DTNB: variants seen among roughly 807,000 people sequenced by gnomAD.
DTNB encodes DTN-B.
DTNB carries 63 observed loss-of-function variants against 90.7 expected under a neutral mutation model. That is an observed-to-expected ratio of 0.69 (90% confidence interval 0.57 to 0.86). The LOEUF (loss-of-function observed/expected upper bound fraction) is 0.86, where lower values mean the gene tolerates loss of function less well. DTNB is among the 40% of genes least tolerant of loss of function. The pLI is 0.00. For missense variants in DTNB, 744 were observed against 807.1 expected, an observed-to-expected ratio of 0.92 and a Z score of 0.95; for synonymous variants, 277 against 286.7, an observed-to-expected ratio of 0.97 and a Z score of 0.34.
intron 8 of DTNB, among the ~76,000 whole-genome samples, chr2:25,546,412 G>C (rs970573584): frequency 6.6e-6 from 1 of 152,128 alleles, no homozygotes; most frequent in Non-Finnish European, 1.5e-5. Flanking sequence ...TTTTTTCCCA[G>C]AGCCTGGCTG....
chr2:25,382,992 A>G (rs2038318707), intron 19 of DTNB, among the ~76,000 whole-genome samples: 1 of 152,208 alleles, frequency 6.6e-6, no homozygotes, highest in South Asian at 2.1e-4. Flanking sequence ...TCATGTGTTA[A>G]GCAGGTTCGA....
Position 25,537,404 on chromosome 2 carries a change from A to C in DTNB, c.877-5807T>G, listed in dbSNP as rs1256124055. Among the ~76,000 whole-genome samples the C allele has an allele frequency of 3.3e-5, 5 of 152,206 alleles. No individual in the cohort carries two copies. The South Asian group carries it at 1.0e-3, about 31-fold the overall frequency. Reference sequence around the variant, plus strand: ...TCCATCCTAAAAATAATAGCCATGAAATAGAAAGGTAAAATCAATACATCA... The same window carrying C: ...TCCATCCTAAAAATAATAGCCATGACATAGAAAGGTAAAATCAATACATCA... On this transcript the variant is annotated intron_variant, in intron 8 of 20. Transcript: ENST00000406818.
At chr2:25,514,471 C>A (rs2074596026) in intron 9 of DTNB, among the ~76,000 whole-genome samples, 1 of 151,826 alleles carries the variant, frequency 6.6e-6, no homozygotes, top group African/African-American at 2.4e-5. Context: ...GGGGAAGTCA[C>A]TGAAGGGATA....
chr2:25,407,067 G>A (rs1166760057), intron 16 of DTNB, among the ~76,000 whole-genome samples: 1 of 152,106 alleles, frequency 6.6e-6, no homozygotes, highest in East Asian at 1.9e-4. Flanking sequence ...TGCAGAGCTG[G>A]TGAGCTGGCA....
At chr2:25,385,676 AAAGT>A (rs1215916686) in intron 18 of DTNB, among the ~76,000 whole-genome samples, 2 of 152,204 alleles carry the variant, frequency 1.3e-5, no homozygotes, top group Non-Finnish European at 2.9e-5. Context: ...CTACATCTCT[AAAGT>A]AAGGGACTGG....
chr2:25,637,342 T>G (rs371671209), intron 3 of DTNB, among the ~76,000 whole-genome samples: 2 of 151,794 alleles, frequency 1.3e-5, no homozygotes, highest in Non-Finnish European at 2.9e-5. Flanking sequence ...GGCAACAAAA[T>G]CCAAAATTGA....
intron 9 of DTNB, among the ~76,000 whole-genome samples, chr2:25,505,875 A>C (rs2072278915): frequency 6.6e-6 from 1 of 152,214 alleles, no homozygotes; most frequent in Admixed American, 6.5e-5. Flanking sequence ...TCCACAGGAC[A>C]TCATCTTTAC....
intron 8 of DTNB, among the ~76,000 whole-genome samples, chr2:25,541,022 A>C (rs2151016623): frequency 6.6e-6 from 1 of 151,586 alleles, no homozygotes; most frequent in Middle Eastern, 3.4e-3. Flanking sequence ...AGAAACACCC[A>C]AGAATGATCA....
intron 9 of DTNB, among the ~76,000 whole-genome samples, chr2:25,492,341 A>C (rs1342078693): frequency 6.6e-6 from 1 of 152,196 alleles, no homozygotes; most frequent in Non-Finnish European, 1.5e-5. Context: ...CAAAATACAT[A>C]CATTTAATGA....
chr2:25,463,485 G>T (rs1176848916), intron 10 of DTNB, among the ~76,000 whole-genome samples: 1 of 152,204 alleles, frequency 6.6e-6, no homozygotes, highest in Non-Finnish European at 1.5e-5. Flanking sequence ...GAGTGGCCTT[G>T]TCAGTTTGGG....
intron 1 of DTNB, among the ~76,000 whole-genome samples, chr2:25,664,081 C>T (rs1213978373): frequency 6.6e-6 from 1 of 152,134 alleles, no homozygotes; most frequent in Non-Finnish European, 1.5e-5. Context: ...CCCATAATAT[C>T]ATTAGTAAAT....
At chr2:25,453,629 A>C (rs1399395744) in intron 11 of DTNB, among the ~76,000 whole-genome samples, 1 of 152,214 alleles carries the variant, frequency 6.6e-6, no homozygotes, top group Non-Finnish European at 1.5e-5. Flanking sequence ...TATTTTTACC[A>C]TGGAAACTTT....
At position 25,552,211 on chromosome 2, in the gene DTNB, C is replaced by T. The variant is rs138969582; in HGVS notation, c.877-20614G>A. Among the ~76,000 whole-genome samples, 491 of 152,296 alleles carry T rather than the reference C, an allele frequency of 3.2e-3. 4 individuals carry two copies. The highest frequency in any genetic ancestry group is 4.1e-3 in the Admixed American group (63 of 15,284). ...TTAACTAAGTGCTCAGTTTTGTAGT[C>T]AAGACTTCCTGTTCAGACATCTACT... On this transcript the variant is annotated intron_variant, in intron 8 of 20. Coordinates refer to ENST00000406818, the MANE Select transcript of DTNB (RefSeq NM_021907.5).
At chr2:25,545,187 T>C (rs552948432) in intron 8 of DTNB, among the ~76,000 whole-genome samples, 1 of 152,220 alleles carries the variant, frequency 6.6e-6, no homozygotes, top group Non-Finnish European at 1.5e-5. Context: ...ACTTTAATAT[T>C]TTTGATTTCT....
chr2:25,408,113 C>T (rs1358818789), intron 16 of DTNB, among the ~76,000 whole-genome samples: 1 of 151,896 alleles, frequency 6.6e-6, no homozygotes, highest in Non-Finnish European at 1.5e-5. Flanking sequence ...CGAGACTAGC[C>T]TGACCAACGT....
intron 7 of DTNB, among the ~76,000 whole-genome samples, chr2:25,577,295 C>T (rs1006635399): frequency 4.6e-5 from 7 of 151,716 alleles, no homozygotes; most frequent in East Asian, 1.9e-4. Flanking sequence ...AAATTGGCTG[C>T]GCATGATGGC....
intron 14 of DTNB, among the ~76,000 whole-genome samples, chr2:25,430,765 T>C (rs1253003701): frequency 2.6e-5 from 4 of 152,188 alleles, no homozygotes; most frequent in African/African-American, 9.7e-5. Context: ...ATGGATGGCA[T>C]TGTTTTAGTC....
In DTNB at chr2:25,575,252, A is replaced by C. The variant is rs2060476474; in HGVS notation, c.876+1586T>G. 2.0e-5 allele frequency among the ~76,000 whole-genome samples: 3 copies of C among 152,088 alleles called. No individual in the cohort carries two copies. The South Asian group carries it at 6.2e-4, about 31-fold the overall frequency. On this transcript the variant is annotated intron_variant, in intron 8 of 20. Transcript: ENST00000406818. ...TCTACACACACACACACAAAAAAAA[A>C]AAACCAGTGGAAAAAACATTAACAA...
intron 18 of DTNB, among the ~76,000 whole-genome samples, chr2:25,386,315 G>T (rs951013272): frequency 3.3e-5 from 5 of 152,292 alleles, no homozygotes; most frequent in Middle Eastern, 3.4e-3. Context: ...AATACCCAAG[G>T]CTTGCCTTCC....
Sources: gnomAD v4.1 joint callset for allele counts (sites outside exome capture counted in the v4.1 genomes callset) on GRCh38, gnomAD v4.1.1 for gene constraint, MANE v1.5 for transcripts, NCBI Gene and HGNC (gene_info 2026-07-23, HGNC 2026-07-21) for gene names.